Variants in ZC3H6 observed in about 807,000 individuals in gnomAD.
ZC3H6 encodes the protein zinc finger CCCH domain-containing protein 6.
A neutral mutation model predicts 107.7 loss-of-function variants in ZC3H6; 40 were observed. The ratio of observed to expected loss-of-function variants is 0.37; its 90% CI spans 0.29 to 0.48. The LOEUF is 0.48. Among genes scored for constraint, ZC3H6 ranks in the 20% least tolerant of loss-of-function variants. ZC3H6 has a pLI of 0.98. For synonymous variants in ZC3H6, 493 were observed against 487.9 expected (o/e 1.01, Z -0.14); for missense variants, 1,267 against 1,410.4 (o/e 0.90, Z 1.63).
intron 3 of ZC3H6, among the ~76,000 whole-genome samples, chr2:112,305,848 T>C (rs143036482): frequency 3.8e-4 from 58 of 152,196 alleles, no homozygotes; most frequent in South Asian, 2.1e-4. Context: ...AGAACTCCTG[T>C]ATATCTTTCA....
Position 112,275,975 on chromosome 2 carries a change from CG to C in ZC3H6, c.-19del. On this transcript the variant is annotated 5_prime_UTR_variant, in exon 1 of 12. Transcript: ENST00000409871. ...GCCTCGCAGACCTGCCCTCCAGCCC[CG>C]CCCCGTTCTTGACCAAACATGACAG... is the stretch of plus-strand genomic sequence containing the variant. 3 of 1,533,432 alleles carry C rather than the reference CG, an allele frequency of 2.0e-6. No individual in the cohort carries two copies. Among genetic ancestry groups the C allele is most frequent in the Non-Finnish European group, 2.6e-6 (3 of 1,139,922 alleles). The allele number at this position is 1,533,432 out of a possible 1,614,324, so 95.0% of individuals were successfully genotyped here.
chr2:112,275,690 GCCGC>G lies in ZC3H6; in HGVS notation c.-296_-293del, dbSNP rs915475275. On this transcript the variant is annotated 5_prime_UTR_variant, in exon 1 of 12. The change abolishes the stop of an existing upstream ORF in the 5' untranslated region. Transcript: ENST00000409871. The stretch of plus-strand genomic sequence containing the variant: ...TGTCCAAATCCCCGCGTCGCTGCAC[GCCGC>G]CCGCCCGCTCCCACGCCACAGCCAC... 9 of 415,074 alleles carry G rather than the reference GCCGC, an allele frequency of 2.2e-5. No homozygotes were observed. Among genetic ancestry groups the G allele is most frequent in the African/African-American group, 1.9e-4 (9 of 48,622 alleles). The allele number at this position is 415,074 out of a possible 1,614,324, so 25.7% of individuals were successfully genotyped here. A position where few individuals can be genotyped will look rare whatever the true frequency, so the allele number is the denominator to read the frequency against.
At chr2:112,283,617 A>G (rs1362244047) in intron 1 of ZC3H6, among the ~76,000 whole-genome samples, 1 of 152,238 alleles carries the variant, frequency 6.6e-6, no homozygotes, top group Non-Finnish European at 1.5e-5. Context: ...GTAGTTAGAC[A>G]TATAGACAGA....
At position 112,322,193 on chromosome 2, in the gene ZC3H6, TTCTC is replaced by T. The variant is rs141687815; in HGVS notation, c.1086+342_1086+345del. On this transcript the variant is annotated intron_variant, in intron 8 of 11. Transcript: ENST00000409871. ...TGCTTGCTTGCTTTTTCTTTCTTAT[TTCTC>T]TCTCTCTCTCTCTGTCTCTTTTCTT... Among the ~76,000 whole-genome samples, 88 of 148,268 alleles carry T rather than the reference TTCTC, an allele frequency of 5.9e-4. 1 individual carries two copies. The highest frequency in any genetic ancestry group is 3.5e-3 in the South Asian group (16 of 4,562).
rs1042826125 is a variant in ZC3H6 at position 112,333,111 on chromosome 2, G to C, written c.*623G>C. ...TTTTATTGTATACTGTATCATAGAA[G>C]TTGGAGGTATATAAATAGAACATTT... On this transcript the variant is annotated 3_prime_UTR_variant, in exon 12 of 12. Transcript: ENST00000409871. 6.6e-6 allele frequency: 1 copy of C among 152,544 alleles called. No individual in the cohort carries two copies. Among genetic ancestry groups the C allele is most frequent in the Non-Finnish European group, 1.5e-5 (1 of 67,994 alleles). 9.4% of individuals were successfully genotyped at this position (152,544 alleles called of 1,614,324 possible).
intron 1 of ZC3H6, among the ~76,000 whole-genome samples, chr2:112,282,258 C>T (rs1354045837): frequency 3.9e-5 from 6 of 152,328 alleles, no homozygotes; most frequent in Middle Eastern, 3.4e-3. Context: ...GCCATCAGTT[C>T]AGAGCGGCCG....
At chr2:112,303,476 AT>A (rs1357207195) in intron 3 of ZC3H6, 125 bp downstream of exon 3, 1 of 641,634 alleles carries the variant, frequency 1.6e-6, no homozygotes, top group Non-Finnish European at 2.5e-6. Context: ...ATCACCACTT[AT>A]CCATTTCTAG....
In ZC3H6 at chr2:112,331,928, G is replaced by T; in HGVS notation, c.3010G>T (p.Gly1004Cys). The T allele has an allele frequency of 1.2e-6, 2 of 1,613,988 alleles. No individual in the cohort carries two copies. The highest frequency in any genetic ancestry group is 1.7e-6 in the Non-Finnish European group (2 of 1,179,886). ...GAPHLPRSNP[G>C]SSQPSGAGTS... The stretch of plus-strand genomic sequence containing the variant: ...CCCTCACTTACCCAGATCAAACCCT[G>T]GTTCATCACAGCCCTCAGGGGCAGG... The change falls in exon 12 of 12, where the codon GGT (glycine) becomes TGT (cysteine). Residue 1004 changes from glycine to cysteine, a missense_variant. Physicochemically the swap from Gly to Cys is radical, Grantham distance 159. Around this residue, in one of 3 missense-constraint regions of ZC3H6, gnomAD observed 925 missense variants for 1,025.7 expected, o/e 0.90. Transcript: ENST00000409871.
At chr2:112,292,650 A>G (rs2104700771) in intron 1 of ZC3H6, among the ~76,000 whole-genome samples, 1 of 152,334 alleles carries the variant, frequency 6.6e-6, no homozygotes, top group South Asian at 2.1e-4. Flanking sequence ...CACATTCATC[A>G]GGGAATGTTA....
chr2:112,327,316 T>C (rs1676922445), intron 11 of ZC3H6, among the ~76,000 whole-genome samples: 2 of 152,222 alleles, frequency 1.3e-5, no homozygotes. Flanking sequence ...CATTTTTATG[T>C]CTTCTTTTGA....
At position 112,316,563 on chromosome 2, in the gene ZC3H6, T is replaced by G; in HGVS notation, c.841T>G (p.Phe281Val). 1 of 1,604,840 alleles carries G rather than the reference T, an allele frequency of 6.2e-7. No homozygotes were observed. The highest frequency in any genetic ancestry group is 8.5e-7 in the Non-Finnish European group (1 of 1,174,992). Residue 281 changes from phenylalanine to valine, a missense_variant, in exon 6 of 12, where the codon TTC (phenylalanine) becomes GTC (valine). Physicochemically the swap from Phe to Val is conservative, Grantham distance 50. Coordinates refer to ENST00000409871, the MANE Select transcript of ZC3H6 (RefSeq NM_198581.3). ...EHKGKQICKY[F>V]LEGRCIKGDQ... ...CAAAGGAAAACAAATCTGTAAATAC[T>G]TCCTGGAAGGGAGGTGTATTAAGGT...
intron 1 of ZC3H6, among the ~76,000 whole-genome samples, chr2:112,280,264 C>G (rs572033847): frequency 2.6e-5 from 4 of 152,178 alleles, no homozygotes; most frequent in Admixed American, 6.5e-5. Context: ...CATTAACTTA[C>G]TTCTGATTCC....
At chr2:112,287,420 G>A (rs1686627719) in intron 1 of ZC3H6, among the ~76,000 whole-genome samples, 1 of 152,110 alleles carries the variant, frequency 6.6e-6, no homozygotes, top group Non-Finnish European at 1.5e-5. Context: ...ATGACATAAA[G>A]TATAATATAT....
At chr2:112,285,189 A>G (rs1203184786) in intron 1 of ZC3H6, among the ~76,000 whole-genome samples, 3 of 152,146 alleles carry the variant, frequency 2.0e-5, no homozygotes, top group Non-Finnish European at 4.4e-5. Context: ...TTTCTTTCGT[A>G]CATAAATAGC....
intron 1 of ZC3H6, among the ~76,000 whole-genome samples, chr2:112,296,475 C>T (rs1423582828): frequency 1.3e-5 from 2 of 152,098 alleles, no homozygotes; most frequent in East Asian, 3.9e-4. Flanking sequence ...ATTATGACTA[C>T]AGCTGTCAAA....
intron 11 of ZC3H6, among the ~76,000 whole-genome samples, chr2:112,327,606 T>C (rs1351199018): frequency 6.6e-6 from 1 of 152,216 alleles, no homozygotes; most frequent in Non-Finnish European, 1.5e-5. Flanking sequence ...CTGGAGAGTT[T>C]ACCCAATGTT....
At chr2:112,303,128 TC>T (rs747594094) in intron 2 of ZC3H6, 100 bp from the exon 3 acceptor site, 24 of 1,402,904 alleles carry the variant, frequency 1.7e-5, no homozygotes, top group Non-Finnish European at 2.3e-5. Context: ...AATAATATAA[TC>T]TACTGGTTGG....
chr2:112,305,421 A>G (rs1676456691), intron 3 of ZC3H6, among the ~76,000 whole-genome samples: 1 of 152,226 alleles, frequency 6.6e-6, no homozygotes, highest in African/African-American at 2.4e-5. Flanking sequence ...ATTTGTATGT[A>G]TAAACAATAA....
chr2:112,276,325 C>T (rs1181858740), intron 1 of ZC3H6, among the ~76,000 whole-genome samples: 1 of 151,002 alleles, frequency 6.6e-6, no homozygotes, highest in East Asian at 2.0e-4. Flanking sequence ...CGGCTCTCAG[C>T]GTCCCGGCTC....
Sources: gnomAD v4.1 joint callset for allele counts (sites outside exome capture counted in the v4.1 genomes callset) on GRCh38, gnomAD v4.1.1 for gene constraint, gnomAD v4.1.1 regional missense constraint, MANE v1.5 for transcripts, NCBI Gene and HGNC (gene_info 2026-07-23, HGNC 2026-07-21) for gene names.